The following IPO9 variants were observed in gnomAD, a reference collection of about 807,000 sequenced individuals.
IPO9 encodes importin 9.
IPO9 carries 28 observed loss-of-function variants against 128.6 expected under a neutral mutation model. That is an observed-to-expected ratio of 0.22 (90% confidence interval 0.16 to 0.30). IPO9 has a LOEUF of 0.30. IPO9 is among the 10% of genes least tolerant of loss of function. The pLI is 1.00. For synonymous variants in IPO9, 455 were observed against 475.8 expected (o/e 0.96, Z 0.57); for missense variants, 935 against 1,293.9 (o/e 0.72, Z 4.26).
chr1:201,857,567 G>A (rs545579224), intron 11 of IPO9, among the ~76,000 whole-genome samples: 7 of 152,154 alleles, frequency 4.6e-5, no homozygotes, highest in East Asian at 3.9e-4. Context: ...AGGCCGAGGC[G>A]GGCAGATCAC....
intron 4 of IPO9, among the ~76,000 whole-genome samples, chr1:201,851,648 T>C (rs781537196): frequency 2.0e-5 from 3 of 151,826 alleles, no homozygotes; most frequent in African/African-American, 7.3e-5. Context: ...CAAAGAGGAG[T>C]TGAGGCCTAG....
chr1:201,866,780 C>A lies in IPO9; in HGVS notation c.1676C>A (p.Pro559His). 6.2e-7 allele frequency: 1 copy of A among 1,614,084 alleles called. No homozygotes were observed. Among genetic ancestry groups the A allele is most frequent in the South Asian group, 1.1e-5 (1 of 91,080 alleles). ...TCAGAGAGTACCCACGTGCTCCAGCCCTTCCTCCCCAGCATCCTTGATGGC... is the reference window on the plus strand; with the variant it reads ...TCAGAGAGTACCCACGTGCTCCAGCACTTCCTCCCCAGCATCCTTGATGGC... Reference protein sequence around the residue: ...KVSESTHVLQPFLPSILDGLI... With the variant: ...KVSESTHVLQHFLPSILDGLI... Residue 559 changes from proline to histidine, a missense_variant, in exon 15 of 24, where the codon CCC (proline) becomes CAC (histidine). Pro to His is a moderately conservative substitution (Grantham distance 77). Around this residue, in one of 3 missense-constraint regions of IPO9, gnomAD observed 741 missense variants for 1,019.1 expected, o/e 0.73. Transcript: ENST00000361565.
chr1:201,838,822 G>A (rs994136263), intron 1 of IPO9, among the ~76,000 whole-genome samples: 5 of 152,088 alleles, frequency 3.3e-5, no homozygotes, highest in Admixed American at 3.3e-4. Flanking sequence ...AACCATAAAA[G>A]GTTAGAGGAC....
rs1276574787 is a variant in IPO9, at chr1:201,883,140, C to CTT, written c.*7087_*7088insTT. ...TCTGTGGTTAGCTGTGTGACATAAA[C>CTT]TATCGGTGTATTAATTTGCTTTCAC... On this transcript the variant is annotated 3_prime_UTR_variant, in exon 24 of 24. Coordinates refer to ENST00000361565, the MANE Select transcript of IPO9 (RefSeq NM_018085.5). 1 of 150,554 alleles carries CTT rather than the reference C, an allele frequency of 6.6e-6. No homozygotes were observed. The highest frequency in any genetic ancestry group is 1.5e-5 in the Non-Finnish European group (1 of 67,854). 9.3% of individuals were successfully genotyped at this position (150,554 alleles called of 1,614,324 possible).
chr1:201,859,560 T>G (rs530186186), intron 13 of IPO9, among the ~76,000 whole-genome samples: 9 of 152,284 alleles, frequency 5.9e-5, no homozygotes, highest in Admixed American at 1.3e-4. Context: ...ATCAGGCACA[T>G]TCTTCCTGTT....
At chr1:201,830,014 G>A (rs867586710) in intron 1 of IPO9, among the ~76,000 whole-genome samples, 2 of 152,132 alleles carry the variant, frequency 1.3e-5, no homozygotes, top group East Asian at 1.9e-4. Flanking sequence ...CTGTTTGGAG[G>A]AACTGATCAT....
At chr1:201,859,480 G>A (rs540815785) in intron 13 of IPO9, among the ~76,000 whole-genome samples, 1 of 152,042 alleles carries the variant, frequency 6.6e-6, no homozygotes, top group African/African-American at 2.4e-5. Context: ...TCCAAATCTG[G>A]TTGCTGTACC....
At chr1:201,861,033 G>A (rs1680435902) in intron 13 of IPO9, among the ~76,000 whole-genome samples, 1 of 152,304 alleles carries the variant, frequency 6.6e-6, no homozygotes, top group Non-Finnish European at 1.5e-5. Flanking sequence ...GGGCGTGGTG[G>A]CACGCGTCTG....
intron 13 of IPO9, among the ~76,000 whole-genome samples, chr1:201,861,463 A>T (rs936946289): frequency 1.2e-4 from 19 of 152,238 alleles, no homozygotes; most frequent in African/African-American, 3.6e-4. Context: ...GCTTTGTGTT[A>T]CGTGAGTTTG....
intron 1 of IPO9, among the ~76,000 whole-genome samples, chr1:201,836,144 C>T (rs1354586388): frequency 1.2e-5 from 1 of 84,124 alleles, no homozygotes; most frequent in Non-Finnish European, 2.5e-5. Flanking sequence ...AAAAAAAAAA[C>T]AGACACCAAT....
intron 19 of IPO9, 96 bp from the exon 20 acceptor site, chr1:201,872,732 T>C (rs1162908100): frequency 7.3e-7 from 1 of 1,370,118 alleles, no homozygotes; most frequent in East Asian, 2.4e-5. Flanking sequence ...GAATTTTCAC[T>C]ATCAAATAGA....
intron 1 of IPO9, among the ~76,000 whole-genome samples, chr1:201,834,243 C>T (rs1679887006): frequency 1.4e-5 from 2 of 147,370 alleles, no homozygotes; most frequent in Admixed American, 6.8e-5. Flanking sequence ...GAGTCTAAAG[C>T]ATGCTTTCTA....
intron 13 of IPO9, among the ~76,000 whole-genome samples, chr1:201,861,749 GTC>G (rs1680451266): frequency 6.6e-6 from 1 of 152,234 alleles, no homozygotes; most frequent in Non-Finnish European, 1.5e-5. Context: ...AATAAGAATA[GTC>G]TCTCCTCAGC....
intron 1 of IPO9, among the ~76,000 whole-genome samples, chr1:201,835,913 C>T (rs2820296): frequency 0.98 from 148,222 of 151,748 alleles, 72,501 homozygotes; most frequent in East Asian, 1. Flanking sequence ...AGATCAAGAC[C>T]ATCCTGGCTA....
chr1:201,875,558 C>G (rs1225808699), intron 23 of IPO9, among the ~76,000 whole-genome samples: 3 of 150,114 alleles, frequency 2.0e-5, no homozygotes, highest in African/African-American at 4.9e-5. Flanking sequence ...CCACTGCACT[C>G]GAGCCTGGGC....
chr1:201,859,054 G>C (rs1407893370), intron 13 of IPO9, 60 bp downstream of exon 13: 1 of 1,555,848 alleles, frequency 6.4e-7, no homozygotes, highest in East Asian at 2.3e-5. Flanking sequence ...GGGGTTGGGG[G>C]AGGGATCAGC....
At chr1:201,853,762 T>C (rs946029237) in intron 6 of IPO9, among the ~76,000 whole-genome samples, 2 of 151,984 alleles carry the variant, frequency 1.3e-5, no homozygotes, top group African/African-American at 2.4e-5. Context: ...TATTTAGAGA[T>C]GGAGTCTCGC....
At chr1:201,858,087 T>G (rs1680368578) in intron 11 of IPO9, among the ~76,000 whole-genome samples, 1 of 152,210 alleles carries the variant, frequency 6.6e-6, no homozygotes, top group Non-Finnish European at 1.5e-5. Flanking sequence ...AAGATTATAT[T>G]CAGTTCCAAT....
chr1:201,856,141 T>C (rs1680324289), intron 10 of IPO9, among the ~76,000 whole-genome samples: 1 of 150,758 alleles, frequency 6.6e-6, no homozygotes, highest in Admixed American at 6.6e-5. Context: ...TTTTTTTTTT[T>C]TTTTTTTCCC....
Sources: allele counts gnomAD v4.1 joint callset (sites outside exome capture counted in the v4.1 genomes callset), GRCh38; gene constraint gnomAD v4.1.1; regional missense constraint gnomAD v4.1.1; transcripts MANE v1.5; gene names NCBI Gene and HGNC (gene_info 2026-07-23, HGNC 2026-07-21).